The following FANCL variants were observed in gnomAD, a reference collection of about 807,000 sequenced individuals.
The protein encoded by FANCL is E3 ubiquitin-protein ligase FANCL.
FANCL carries 69 observed loss-of-function variants against 59.4 expected under a neutral mutation model. That is an observed-to-expected ratio of 1.16 (90% CI 0.96 to 1.42). FANCL has a LOEUF of 1.42. Ranked by LOEUF, FANCL falls within the 40% of genes most tolerant of loss-of-function variation. The pLI, the probability that FANCL is intolerant of heterozygous loss-of-function variation, is 0.00. For synonymous variants in FANCL, 180 were observed against 147.1 expected (o/e 1.22, Z -1.62); for missense variants, 519 against 447.2 (o/e 1.16, Z -1.45).
At chr2:58,201,390 T>TAATA (rs1690009125) in intron 6 of FANCL, among the ~76,000 whole-genome samples, 1 of 151,598 alleles carries the variant, frequency 6.6e-6, no homozygotes, top group South Asian at 2.1e-4. Flanking sequence ...AAAGATTACA[T>TAATA]AATATTAAGT....
At chr2:58,233,694 G>GA (rs747082749) in intron 1 of FANCL, among the ~76,000 whole-genome samples, 4 of 151,400 alleles carry the variant, frequency 2.6e-5, no homozygotes, top group African/African-American at 9.7e-5. Flanking sequence ...GGAAGGTCAG[G>GA]AAAAAAAATG....
chr2:58,219,276 C>T (rs1030175553), intron 5 of FANCL, among the ~76,000 whole-genome samples: 2 of 132,866 alleles, frequency 1.5e-5, no homozygotes, highest in Non-Finnish European at 3.1e-5. Flanking sequence ...AAAGCTAGAA[C>T]AAATTGAGCA....
At chr2:58,160,293 G>A (rs1684938643) in intron 12 of FANCL, 114 bp from the exon 13 acceptor site, 3 of 1,112,544 alleles carry the variant, frequency 2.7e-6, no homozygotes, top group South Asian at 1.3e-5. Context: ...AGAAGACTTA[G>A]CTTAATTTTG....
chr2:58,205,865 C>G (rs1221929878), intron 5 of FANCL, among the ~76,000 whole-genome samples: 1 of 151,930 alleles, frequency 6.6e-6, no homozygotes, highest in Non-Finnish European at 1.5e-5. Context: ...AAACTTTAAA[C>G]CAAATTATAA....
At chr2:58,233,150 G>A (rs966045468) in intron 1 of FANCL, among the ~76,000 whole-genome samples, 1 of 151,904 alleles carries the variant, frequency 6.6e-6, no homozygotes, top group African/African-American at 2.4e-5. Flanking sequence ...AGCACTAAAA[G>A]GTATTATGTA....
chr2:58,219,504 T>C (rs553467423), intron 5 of FANCL, among the ~76,000 whole-genome samples: 225 of 150,726 alleles, frequency 1.5e-3, no homozygotes, highest in African/African-American at 5.3e-3. Flanking sequence ...TTCCAAAGAG[T>C]AAAGTGTGGA....
intron 5 of FANCL, among the ~76,000 whole-genome samples, chr2:58,218,630 A>C (rs1321949246): frequency 6.6e-6 from 1 of 151,952 alleles, no homozygotes; most frequent in Non-Finnish European, 1.5e-5. Context: ...AAAAAAAAAA[A>C]ACTATAAAAA....
Position 58,190,514 on chromosome 2 carries a change from AG to A in FANCL, c.540+8079del, listed in dbSNP as rs1469422674. ...AAGCCAATTAGTGGACCAGAAAAAAAGAAAGAAAAAAGAAAAAAGACTAGCT... is the reference window on the plus strand; with the variant it reads ...AAGCCAATTAGTGGACCAGAAAAAAAAAAGAAAAAAGAAAAAAGACTAGCT... On this transcript the variant is annotated intron_variant, in intron 7 of 13. Coordinates refer to ENST00000233741, the MANE Select transcript of FANCL (RefSeq NM_018062.4). Among the ~76,000 whole-genome samples, 45 of 151,752 alleles carry A rather than the reference AG, an allele frequency of 3.0e-4. No homozygotes were observed. The East Asian group carries it at 8.1e-3, about 27-fold the overall frequency.
intron 1 of FANCL, among the ~76,000 whole-genome samples, chr2:58,236,034 G>C (rs761020505): frequency 1.4e-5 from 2 of 145,504 alleles, no homozygotes; most frequent in Non-Finnish European, 3.0e-5. Context: ...CAACACAGAG[G>C]ACAGAAAAGG....
Position 58,159,812 on chromosome 2 carries a change from G to T in FANCL, c.1093-12C>A. 6.2e-7 allele frequency: 1 copy of T among 1,612,122 alleles called. No individual in the cohort carries two copies. ...TTTAAGGTAATTGGCTTTAAAAAGA[G>T]AACATATTTTAACAAAGTTTGTGGA... On this transcript the variant is annotated splice_polypyrimidine_tract_variant and intron_variant, in intron 13 of 13. Transcript: ENST00000233741.
At chr2:58,192,949 T>G (rs1176543397) in intron 7 of FANCL, among the ~76,000 whole-genome samples, 1 of 151,976 alleles carries the variant, frequency 6.6e-6, no homozygotes, top group South Asian at 2.1e-4. Flanking sequence ...AAAAAATCAA[T>G]AGCTTGCCCA....
chr2:58,198,079 G>C (rs1285544623), intron 7 of FANCL, among the ~76,000 whole-genome samples: 1 of 151,868 alleles, frequency 6.6e-6, no homozygotes, highest in Admixed American at 6.6e-5. Flanking sequence ...ATGGGTGTGG[G>C]TGTGAGTGGG....
chr2:58,164,422 C>T (rs956195456), intron 8 of FANCL, among the ~76,000 whole-genome samples: 1 of 151,956 alleles, frequency 6.6e-6, no homozygotes, highest in African/African-American at 2.4e-5. Context: ...GTTATAATCT[C>T]ATTTGGTAAC....
intron 8 of FANCL, among the ~76,000 whole-genome samples, chr2:58,165,401 TCTGA>T (rs1260714051): frequency 2.0e-5 from 3 of 152,178 alleles, no homozygotes; most frequent in Non-Finnish European, 4.4e-5. Flanking sequence ...ACTGCATTAT[TCTGA>T]CTTTTTTCTT....
chr2:58,228,343 AT>A (rs1417811067), intron 3 of FANCL, among the ~76,000 whole-genome samples: 5 of 152,230 alleles, frequency 3.3e-5, no homozygotes, highest in Non-Finnish European at 7.3e-5. Context: ...AACACATATG[AT>A]TCACATCTTA....
chr2:58,186,156 A>G (rs1688383727), intron 7 of FANCL, among the ~76,000 whole-genome samples: 1 of 152,174 alleles, frequency 6.6e-6, no homozygotes, highest in Non-Finnish European at 1.5e-5. Flanking sequence ...TTGATTTATA[A>G]ATTGATTTTA....
chr2:58,224,027 G>C (rs1350620858), intron 4 of FANCL, among the ~76,000 whole-genome samples: 2 of 151,776 alleles, frequency 1.3e-5, no homozygotes, highest in Non-Finnish European at 3.0e-5. Flanking sequence ...TCTGAAGAAA[G>C]CTAAAATACA....
At chr2:58,185,656 G>T (rs1260826768) in intron 7 of FANCL, among the ~76,000 whole-genome samples, 1 of 152,118 alleles carries the variant, frequency 6.6e-6, no homozygotes, top group East Asian at 1.9e-4. Context: ...GCAGGGTAAG[G>T]ACAGGGTTGG....
At chr2:58,222,844 GTAAA>G (rs1553454996) in intron 4 of FANCL, among the ~76,000 whole-genome samples, 4 of 151,736 alleles carry the variant, frequency 2.6e-5, no homozygotes, top group Non-Finnish European at 4.4e-5. Context: ...ATTACAAAAA[GTAAA>G]TAATTAATTA....
Sources: gnomAD v4.1 joint callset for allele counts (sites outside exome capture counted in the v4.1 genomes callset) on GRCh38, gnomAD v4.1.1 for gene constraint, MANE v1.5 for transcripts, NCBI Gene and HGNC (gene_info 2026-07-23, HGNC 2026-07-21) for gene names.